RANBP3: variants seen among roughly 807,000 people sequenced by gnomAD.
The protein encoded by RANBP3 is ran-binding protein 3.
In RANBP3, 14 loss-of-function variants were observed where a neutral mutation model predicts 77.3. The ratio of observed to expected loss-of-function variants is 0.18; its 90% CI spans 0.12 to 0.28. RANBP3 has a LOEUF of 0.28. RANBP3 is among the 10% of genes least tolerant of loss of function. The pLI is 1.00. For missense variants in RANBP3, 586 were observed against 752.3 expected, an observed-to-expected ratio of 0.78 and a Z score of 2.59; for synonymous variants, 315 against 312.4, an observed-to-expected ratio of 1.01 and a Z score of -0.09.
intron 5 of RANBP3, chr19:5,934,369 G>C (rs2058036831): frequency 6.6e-6 from 1 of 152,194 alleles, no homozygotes; most frequent in South Asian, 2.1e-4. Context: ...TTTGTGCTAA[G>C]CTTCACCCCC....
At position 5,959,145 on chromosome 19, in the gene RANBP3, G is replaced by C. The variant is rs1259763840; in HGVS notation, c.23-1172C>G. ...CTGGAAGGGAGAGCAGCAGCAGCTT[G>C]AAGTCACAGCTTGCGGGGTGATGGG... On this transcript the variant is annotated intron_variant, in intron 1 of 16. Transcript: ENST00000340578. The surrounding 1 kb of genome is among the most constrained non-coding windows in gnomAD (Gnocchi z 5.1). 6.6e-6 allele frequency among the ~76,000 whole-genome samples: 1 copy of C among 152,138 alleles called. No homozygotes were observed. Among genetic ancestry groups the C allele is most frequent in the Non-Finnish European group, 1.5e-5 (1 of 68,022 alleles).
intron 1 of RANBP3, among the ~76,000 whole-genome samples, chr19:5,974,189 C>T (rs553011167): frequency 6.6e-6 from 1 of 152,276 alleles, no homozygotes; most frequent in South Asian, 2.1e-4. Context: ...CCCCTCCCGC[C>T]AAAGAGAGCC....
At chr19:5,933,385 C>G in intron 6 of RANBP3, 29 bp downstream of exon 6, 1 of 1,585,344 alleles carries the variant, frequency 6.3e-7, no homozygotes, top group Non-Finnish European at 8.6e-7. Context: ...AGAGAGCCAC[C>G]CCCCGCCCCA....
intron 1 of RANBP3, among the ~76,000 whole-genome samples, chr19:5,969,201 T>C (rs570624658): frequency 1.3e-5 from 2 of 152,290 alleles, no homozygotes; most frequent in Admixed American, 6.5e-5. Context: ...AGTGTAAAGG[T>C]TGGGGCCCAG....
chr19:5,942,757 T>A (rs2058155517), intron 3 of RANBP3, among the ~76,000 whole-genome samples: 1 of 149,396 alleles, frequency 6.7e-6, no homozygotes, highest in African/African-American at 2.5e-5. Context: ...CAGTGGCTCA[T>A]GCCTGTAATC....
rs1476478075 is a variant in RANBP3, at chr19:5,927,979, C to T, written c.802G>A (p.Asp268Asn). Residue 268 changes from aspartate (D) to asparagine (N), a missense_variant, in exon 9 of 17, where the codon GAC (aspartate) becomes AAC (asparagine). Physicochemically the swap from Asp to Asn is conservative, Grantham distance 23. Around this residue, in one of 5 missense-constraint regions of RANBP3, gnomAD observed 232 missense variants for 271.7 expected, o/e 0.85. Coordinates refer to ENST00000340578, the MANE Select transcript of RANBP3 (RefSeq NM_007322.3). ...QAFVFGQNLR[D>N]RVKLINESVD... ...AACAGCTCACATACCTTAACTCTGT[C>T]CCTCAAGTTCTGCCCAAATACAAAG... 3.1e-6 allele frequency: 5 copies of T among 1,612,376 alleles called. No homozygotes were observed. Among genetic ancestry groups the T allele is most frequent in the Admixed American group, 1.7e-5 (1 of 59,656 alleles).
intron 5 of RANBP3, among the ~76,000 whole-genome samples, chr19:5,940,110 T>G (rs1320521326): frequency 2.0e-5 from 3 of 152,210 alleles, no homozygotes. Context: ...TTCAAATTAT[T>G]GGTGCCCCTC....
intron 7 of RANBP3, 42 bp downstream of exon 7, chr19:5,932,410 C>T: frequency 1.3e-6 from 2 of 1,567,994 alleles, no homozygotes; most frequent in Non-Finnish European, 1.8e-6. Flanking sequence ...GAACGCTCTA[C>T]CCTGCCGTCT....
chr19:5,933,165 T>C lies in RANBP3; in HGVS notation c.472+249A>G, dbSNP rs116465967. The C allele has an allele frequency of 9.1e-3, 4,157 of 458,090 alleles. 149 individuals are homozygous for C. Among genetic ancestry groups the C allele is most frequent in the African/African-American group, 0.073 (3,587 of 49,336 alleles). 28.4% of individuals were successfully genotyped at this position (458,090 alleles called of 1,614,324 possible). ...ACTGCTGGGCATGGAGCCCGCCCGA[T>C]GCACCCCGCCTAGCCTGCTCCCGTG... is the stretch of plus-strand genomic sequence containing the variant. On this transcript the variant is annotated intron_variant, in intron 6 of 16. Transcript: ENST00000340578.
At chr19:5,939,969 C>T (rs1321867925) in intron 5 of RANBP3, among the ~76,000 whole-genome samples, 1 of 152,258 alleles carries the variant, frequency 6.6e-6, no homozygotes, top group African/African-American at 2.4e-5. Flanking sequence ...TCCCCCTCCC[C>T]CACCTAAGAT....
At position 5,921,801 on chromosome 19, in the gene RANBP3, C is replaced by T. The variant is rs979051843; in HGVS notation, c.1210-480G>A. 1.3e-5 allele frequency among the ~76,000 whole-genome samples: 2 copies of T among 152,224 alleles called. No homozygotes were observed. Among genetic ancestry groups the T allele is most frequent in the Non-Finnish European group, 2.9e-5 (2 of 68,044 alleles). On this transcript the variant is annotated intron_variant, in intron 13 of 16. Transcript: ENST00000340578. This position sits in a 1 kb window ranked among gnomAD's most constrained non-coding sequence, Gnocchi z 5.3. ...TGAACGTGCACAGCACCATCATTCA[C>T]GGTAGCCAAGTCTCAAGGAGGAATG...
intron 2 of RANBP3, among the ~76,000 whole-genome samples, chr19:5,956,744 A>G (rs2058339330): frequency 6.6e-6 from 1 of 152,204 alleles, no homozygotes; most frequent in African/African-American, 2.4e-5. Flanking sequence ...ATCAAGATAA[A>G]TGCTGGCTTT....
At chr19:5,923,047 A>C in intron 13 of RANBP3, 147 bp downstream of exon 13, 1 of 646,622 alleles carries the variant, frequency 1.5e-6, no homozygotes, top group Non-Finnish European at 2.7e-6. Context: ...AAACGCCACC[A>C]ACAAAGTCCC....
rs1298725250 is a variant in RANBP3, at chr19:5,924,027, C to A, written c.997-113G>T. ...CACTACGCTGCCCCCAGCACTCCTG[C>A]CCACTCCCGGTGACACCCTGAACTG... On this transcript the variant is annotated intron_variant, in intron 11 of 16. Transcript: ENST00000340578. This position sits in a 1 kb window ranked among gnomAD's most constrained non-coding sequence, Gnocchi z 4.7. 5 of 794,424 alleles carry A rather than the reference C, an allele frequency of 6.3e-6. No homozygotes were observed. Among genetic ancestry groups the A allele is most frequent in the East Asian group, 2.7e-5 (1 of 37,314 alleles). The allele number at this position is 794,424 out of a possible 1,614,324, so 49.2% of individuals were successfully genotyped here.
intron 3 of RANBP3, among the ~76,000 whole-genome samples, chr19:5,944,269 A>C (rs972867801): frequency 1.3e-5 from 2 of 152,224 alleles, no homozygotes; most frequent in Non-Finnish European, 2.9e-5. Flanking sequence ...TCCTGGGTGC[A>C]GCCAGGAGGC....
intron 3 of RANBP3, among the ~76,000 whole-genome samples, chr19:5,948,074 C>T (rs568557552): frequency 2.0e-5 from 3 of 152,254 alleles, no homozygotes; most frequent in South Asian, 2.1e-4. Context: ...GACACAAAGA[C>T]GAACAAGGAA....
intron 6 of RANBP3, 45 bp from the exon 7 acceptor site, chr19:5,932,589 T>TGGGG: frequency 1.3e-6 from 2 of 1,533,578 alleles, no homozygotes; most frequent in Non-Finnish European, 1.8e-6. Flanking sequence ...GACCCCTGCC[T>TGGGG]GCCCCCAGGC....
At chr19:5,926,428 G>A (rs1009592955) in intron 9 of RANBP3, among the ~76,000 whole-genome samples, 1 of 152,172 alleles carries the variant, frequency 6.6e-6, no homozygotes, top group Admixed American at 6.5e-5. Flanking sequence ...GTGGGCGCCT[G>A]TAATCCCAGA....
chr19:5,946,916 C>T (rs1206855201), intron 3 of RANBP3, among the ~76,000 whole-genome samples: 2 of 152,216 alleles, frequency 1.3e-5, no homozygotes, highest in African/African-American at 4.8e-5. Context: ...ACCCCTCACC[C>T]CAAACAAGGC....
Sources: gnomAD v4.1 joint callset for allele counts (sites outside exome capture counted in the v4.1 genomes callset) on GRCh38, gnomAD v4.1.1 for gene constraint, gnomAD v4.1.1 regional missense constraint, Gnocchi (gnomAD v3.1) non-coding constraint, MANE v1.5 for transcripts, NCBI Gene and HGNC (gene_info 2026-07-23, HGNC 2026-07-21) for gene names.